MTMR7: variants seen among roughly 807,000 people sequenced by gnomAD.
MTMR7 encodes the protein myotubularin related protein 7.
Under a neutral mutation model 81.2 loss-of-function variants are expected in MTMR7, and 76 were observed. The ratio of observed to expected loss-of-function variants is 0.94; its 90% CI spans 0.78 to 1.13. The LOEUF is 1.13. MTMR7 is among the 50% of genes most tolerant of loss of function. The pLI is 0.00. For missense variants in MTMR7, 1,044 were observed against 820.0 expected, an observed-to-expected ratio of 1.27 and a Z score of -3.34; for synonymous variants, 372 against 289.8, an observed-to-expected ratio of 1.28 and a Z score of -2.88.
intron 9 of MTMR7, 94 bp from the exon 10 acceptor site, chr8:17,309,420 C>G (rs1817666481): frequency 1.2e-6 from 1 of 834,000 alleles, no homozygotes; most frequent in Non-Finnish European, 2.0e-6. Flanking sequence ...GAGGCACTTG[C>G]AGAAGTCCCC....
At chr8:17,373,476 A>G (rs918159259) in intron 1 of MTMR7, among the ~76,000 whole-genome samples, 1 of 152,208 alleles carries the variant, frequency 6.6e-6, no homozygotes, top group African/African-American at 2.4e-5. Flanking sequence ...ACCACAAAAG[A>G]TGTGTAGATC....
chr8:17,404,359 G>A (rs1821514836), intron 1 of MTMR7, among the ~76,000 whole-genome samples: 1 of 152,116 alleles, frequency 6.6e-6, no homozygotes, highest in Non-Finnish European at 1.5e-5. Flanking sequence ...AGAAAATTGG[G>A]TGTGAAGCGA....
chr8:17,361,053 G>A lies in MTMR7; in HGVS notation c.468+64C>T, dbSNP rs924458841. On this transcript the variant is annotated intron_variant, in intron 4 of 13. Transcript: ENST00000180173. The stretch of plus-strand genomic sequence containing the variant: ...AAACCTGAAGGAGATAAAAATAAAG[G>A]GATGCTAAGCTGGCTGAAACCCTAA... 18 of 1,559,654 alleles carry A rather than the reference G, an allele frequency of 1.2e-5. No individual in the cohort carries two copies. The East Asian group carries it at 3.8e-4, about 33-fold the overall frequency.
At chr8:17,383,343 A>G (rs1820820870) in intron 1 of MTMR7, among the ~76,000 whole-genome samples, 2 of 152,142 alleles carry the variant, frequency 1.3e-5, no homozygotes, top group African/African-American at 4.8e-5. Context: ...AATAACAACA[A>G]CGAAAATACT....
intron 5 of MTMR7, 68 bp downstream of exon 5, chr8:17,348,885 T>C (rs915432987): frequency 1.1e-5 from 17 of 1,587,162 alleles, no homozygotes; most frequent in Non-Finnish European, 1.4e-5. Context: ...AGAAGGCAGC[T>C]AGAAAATGCC....
chr8:17,361,011 A>C (rs2150556964), intron 4 of MTMR7, 106 bp downstream of exon 4: 1 of 1,235,228 alleles, frequency 8.1e-7, no homozygotes, highest in Non-Finnish European at 1.1e-6. Context: ...ACATATGGAT[A>C]TCTACAAAGA....
rs1431118093 is a variant in MTMR7, at chr8:17,310,189, C to T, written c.1102-863G>A. Among the ~76,000 whole-genome samples the T allele has an allele frequency of 4.0e-5, 6 of 151,684 alleles. No individual in the cohort carries two copies. In the East Asian group the frequency reaches 5.8e-4, roughly 15 times the overall value. On this transcript the variant is annotated intron_variant, in intron 9 of 13. Transcript: ENST00000180173. Reference sequence around the variant, plus strand: ...ATTTTTTTTTAATTTTTTATAGAGACGAGGTCTCGCCATGTTGCCCAGGCT... The same window carrying T: ...ATTTTTTTTTAATTTTTTATAGAGATGAGGTCTCGCCATGTTGCCCAGGCT...
chr8:17,368,909 CT>C (rs1185656459), intron 3 of MTMR7, among the ~76,000 whole-genome samples: 2 of 152,166 alleles, frequency 1.3e-5, no homozygotes, highest in African/African-American at 4.8e-5. Flanking sequence ...CTCCCTTCAT[CT>C]TTTAAGGAAA....
intron 1 of MTMR7, among the ~76,000 whole-genome samples, chr8:17,380,572 T>TA (rs71215249): frequency 0.043 from 6,340 of 146,514 alleles, 313 homozygotes; most frequent in African/African-American, 0.12. Flanking sequence ...CTGATGAGCT[T>TA]AAAAAAAAAA....
At chr8:17,300,887 A>G (rs6982722) in intron 13 of MTMR7, among the ~76,000 whole-genome samples, 37,555 of 152,112 alleles carry the variant, frequency 0.25, 5,805 homozygotes, top group East Asian at 0.62. Context: ...GGATTTTTGT[A>G]TCTGGCTTCC....
At chr8:17,372,811 A>G (rs1463231890) in intron 2 of MTMR7, among the ~76,000 whole-genome samples, 1 of 152,150 alleles carries the variant, frequency 6.6e-6, no homozygotes, top group Non-Finnish European at 1.5e-5. Context: ...GAGGATGACA[A>G]TGCTGAATCT....
In MTMR7 at chr8:17,296,795, AGTTCATCTCAGT is replaced by A. The variant is rs1316770307; in HGVS notation, c.*3055_*3066del. On this transcript the variant is annotated 3_prime_UTR_variant, in exon 14 of 14. Transcript: ENST00000180173. ...AAATGTTCTACATAATCACATGAGT[AGTTCATCTCAGT>A]GTTTTTTATTCTTTAAAGTTGAACT... 6.6e-6 allele frequency: 1 copy of A among 152,206 alleles called. No individual in the cohort carries two copies. Among genetic ancestry groups the A allele is most frequent in the Non-Finnish European group, 1.5e-5 (1 of 68,020 alleles). 9.4% of individuals were successfully genotyped at this position (152,206 alleles called of 1,614,324 possible). A position where few individuals can be genotyped will look rare whatever the true frequency, so the allele number is the denominator to read the frequency against.
intron 11 of MTMR7, 150 bp from the exon 12 acceptor site, chr8:17,304,669 T>A (rs1817334321): frequency 1.3e-6 from 1 of 749,496 alleles, no homozygotes; most frequent in Non-Finnish European, 2.2e-6. Context: ...CTTGGTGACT[T>A]CATGGTATAG....
At chr8:17,354,266 AAC>A (rs1481621443) in intron 4 of MTMR7, among the ~76,000 whole-genome samples, 1 of 152,230 alleles carries the variant, frequency 6.6e-6, no homozygotes, top group Admixed American at 6.5e-5. Flanking sequence ...ATGTGAATAA[AAC>A]AAAATAATGC....
chr8:17,338,657 A>G (rs1819320302), intron 6 of MTMR7: 2 of 152,232 alleles, frequency 1.3e-5, no homozygotes, highest in African/African-American at 4.8e-5. Flanking sequence ...AGAAGGGCAC[A>G]AATTGACAGA....
At position 17,298,807 on chromosome 8, in the gene MTMR7, A is replaced by C. The variant is rs1816909331; in HGVS notation, c.*1055T>G. 1 of 152,558 alleles carries C rather than the reference A, an allele frequency of 6.6e-6. No individual in the cohort carries two copies. The highest frequency in any genetic ancestry group is 1.5e-5 in the Non-Finnish European group (1 of 68,014). 9.5% of individuals were successfully genotyped at this position (152,558 alleles called of 1,614,324 possible). ...GGGAGGGACTCTCCCTTAAATGTGC[A>C]GTGTAACAAAACAAAAATTCTTTTC... On this transcript the variant is annotated 3_prime_UTR_variant, in exon 14 of 14. Coordinates refer to ENST00000180173, the MANE Select transcript of MTMR7 (RefSeq NM_004686.5).
At chr8:17,403,958 A>G (rs991481654) in intron 1 of MTMR7, among the ~76,000 whole-genome samples, 3 of 152,190 alleles carry the variant, frequency 2.0e-5, no homozygotes, top group Non-Finnish European at 4.4e-5. Context: ...TGTCAGTTCC[A>G]ATCTTTTTTT....
At position 17,379,501 on chromosome 8, in the gene MTMR7, G is replaced by C. The variant is rs185432860; in HGVS notation, c.25-6261C>G. ...AAATGACTCCATTAGGCCGGATTGAGAAATACATTTTAAAGGATTAGAAGG... is the reference window on the plus strand; with the variant it reads ...AAATGACTCCATTAGGCCGGATTGACAAATACATTTTAAAGGATTAGAAGG... On this transcript the variant is annotated intron_variant, in intron 1 of 13. Coordinates refer to ENST00000180173, the MANE Select transcript of MTMR7 (RefSeq NM_004686.5). 1.8e-3 allele frequency among the ~76,000 whole-genome samples: 273 copies of C among 152,288 alleles called. 1 individual carries two copies. The highest frequency in any genetic ancestry group is 6.1e-3 in the African/African-American group (254 of 41,564).
chr8:17,388,610 C>T (rs1821014578), intron 1 of MTMR7, among the ~76,000 whole-genome samples: 1 of 152,192 alleles, frequency 6.6e-6, no homozygotes. Context: ...TTGACAAAGG[C>T]ACTAACAGCA....
Sources: allele counts gnomAD v4.1 joint callset (sites outside exome capture counted in the v4.1 genomes callset), GRCh38; gene constraint gnomAD v4.1.1; transcripts MANE v1.5; gene names NCBI Gene and HGNC (gene_info 2026-07-23, HGNC 2026-07-21).